Variants in ADAMTS5 observed in about 807,000 individuals in gnomAD.
ADAMTS5 encodes A disintegrin and metalloproteinase with thrombospondin motifs 5.
A neutral mutation model predicts 81.4 loss-of-function variants in ADAMTS5; 54 were observed. The ratio of observed to expected loss-of-function variants is 0.66; its 90% CI spans 0.53 to 0.83. ADAMTS5 has a LOEUF of 0.83. Ranked by LOEUF, ADAMTS5 falls within the 40% of genes least tolerant of loss-of-function variation. The pLI is 0.00. For missense variants in ADAMTS5, 1,194 were observed against 1,229.9 expected (o/e 0.97, Z 0.44); for synonymous variants, 532 against 508.8 (o/e 1.05, Z -0.61).
In ADAMTS5 at chr21:26,965,845, C is replaced by A. The variant is rs982775259; in HGVS notation, c.547G>T (p.Gly183Trp). Residue 183 changes from glycine to tryptophan, a missense_variant, in exon 1 of 8, where the codon GGG (glycine) becomes TGG (tryptophan). By Grantham distance (184) the Gly-to-Trp change is radical. This residue lies in a region of ADAMTS5 where 498 missense variants were observed against 412.3 expected (regional missense o/e 1.21). Coordinates refer to ENST00000284987, the MANE Select transcript of ADAMTS5 (RefSeq NM_007038.5). Reference protein sequence around the residue: ...WAEEEKGRVYGDGSARILHVY... With the variant: ...WAEEEKGRVYWDGSARILHVY... ...TGCAGGATCCGTGCGGACCCATCCCCGTACACGCGCCCCTTTTCTTCCTCC... is the reference window on the plus strand; with the variant it reads ...TGCAGGATCCGTGCGGACCCATCCCAGTACACGCGCCCCTTTTCTTCCTCC... 6.2e-7 allele frequency: 1 copy of A among 1,612,354 alleles called. No homozygotes were observed. Among genetic ancestry groups the A allele is most frequent in the Non-Finnish European group, 8.5e-7 (1 of 1,179,484 alleles).
rs1284974523 is a variant in ADAMTS5 at position 26,946,239 on chromosome 21, G to A, written c.1238-2692C>T. Among the ~76,000 whole-genome samples, 6 of 152,168 alleles carry A rather than the reference G, an allele frequency of 3.9e-5. No homozygotes were observed. In the East Asian group the frequency reaches 1.2e-3, roughly 29 times the overall value. On this transcript the variant is annotated intron_variant, in intron 2 of 7. Transcript: ENST00000284987. ...AGACGTGACACACATTCTAAAGGCT[G>A]CAAACAGCAAAAGGAGTGGTATTTT...
In ADAMTS5 at chr21:26,957,439, T is replaced by C. The variant is rs547983613; in HGVS notation, c.1105-2568A>G. Among the ~76,000 whole-genome samples, 223 of 100,402 alleles carry C rather than the reference T, an allele frequency of 2.2e-3. 1 individual carries two copies. The highest frequency in any genetic ancestry group is 3.6e-3 in the Non-Finnish European group (175 of 48,336). The allele number at this position is 100,402 out of a possible 152,430, so 65.9% of individuals were successfully genotyped here. A position where few individuals can be genotyped will look rare whatever the true frequency, so the allele number is the denominator to read the frequency against. ...ATATGTGTGTGTGTCTATAGATAGA[T>C]GGATAGATGATAGATAGATAGATAG... On this transcript the variant is annotated intron_variant, in intron 1 of 7. Transcript: ENST00000284987.
rs776725981 is a variant in ADAMTS5 at position 26,966,294 on chromosome 21, T to G, written c.98A>C (p.Gln33Pro). The change falls in exon 1 of 8, where the codon CAG (glutamine) becomes CCG (proline). Residue 33 changes from glutamine to proline, a missense_variant. Around this residue, in one of 2 missense-constraint regions of ADAMTS5, gnomAD observed 498 missense variants for 412.3 expected, o/e 1.21. Transcript: ENST00000284987. The stretch of plus-strand genomic sequence containing the variant: ...GGCGGCTGCTGCAGCAGTCGGAGGC[T>G]GCCCGGCTTTATCCTGGGCAGGTGT... Reference protein sequence around the residue: ...AATPAQDKAGQPPTAAAAAQP... With the variant: ...AATPAQDKAGPPPTAAAAAQP... 3.9e-6 allele frequency: 6 copies of G among 1,543,072 alleles called. No homozygotes were observed. In the African/African-American group the frequency reaches 8.2e-5, roughly 21 times the overall value.
rs376923748 is a variant in ADAMTS5 at position 26,954,697 on chromosome 21, A to G, written c.1237+42T>C. The stretch of plus-strand genomic sequence containing the variant: ...TTTTGGTTCCTGTTGCAGCTGTTAC[A>G]AGTGTTTGATTTGGTGAGGGAAAAG... On this transcript the variant is annotated intron_variant, in intron 2 of 7. Transcript: ENST00000284987. The G allele has an allele frequency of 1.0e-5, 16 of 1,607,324 alleles. No homozygotes were observed. The East Asian group carries it at 2.5e-4, about 25-fold the overall frequency.
intron 3 of ADAMTS5, among the ~76,000 whole-genome samples, chr21:26,941,478 T>G (rs1303278042): frequency 6.6e-6 from 1 of 152,080 alleles, no homozygotes. Flanking sequence ...AAGACAATGC[T>G]GAAAGCATAT....
In ADAMTS5 at chr21:26,965,742, T is replaced by A. The variant is rs1987637628; in HGVS notation, c.650A>T (p.Glu217Val). ...ASCETPASTP[E>V]AHEHAPAHSN... is the part of the protein sequence containing the mutation. Reference sequence around the variant, plus strand: ...GTGCGCCGGAGCATGCTCGTGGGCCTCCGGTGTGGACGCGGGGGTTTCGCA... The same window carrying A: ...GTGCGCCGGAGCATGCTCGTGGGCCACCGGTGTGGACGCGGGGGTTTCGCA... The change falls in exon 1 of 8, where the codon GAG (glutamate) becomes GTG (valine). Residue 217 changes from glutamate (E) to valine (V), a missense_variant. Around this residue, in one of 2 missense-constraint regions of ADAMTS5, gnomAD observed 498 missense variants for 412.3 expected, o/e 1.21. Transcript: ENST00000284987. 1.2e-5 allele frequency: 19 copies of A among 1,595,570 alleles called. No homozygotes were observed. Among genetic ancestry groups the A allele is most frequent in the Non-Finnish European group, 1.5e-5 (18 of 1,172,132 alleles).
intron 2 of ADAMTS5, among the ~76,000 whole-genome samples, chr21:26,944,916 C>T (rs1325439204): frequency 6.6e-6 from 1 of 152,064 alleles, no homozygotes; most frequent in Non-Finnish European, 1.5e-5. Context: ...TTCCAAGCCT[C>T]CACATTTTTA....
At chr21:26,949,808 G>A (rs534691334) in intron 2 of ADAMTS5, among the ~76,000 whole-genome samples, 2 of 152,150 alleles carry the variant, frequency 1.3e-5, no homozygotes, top group Admixed American at 1.3e-4. Flanking sequence ...TAAAGCAATG[G>A]GTTTGCGGGA....
At chr21:26,935,437 G>A (rs1235322569) in intron 3 of ADAMTS5, among the ~76,000 whole-genome samples, 1 of 152,178 alleles carries the variant, frequency 6.6e-6, no homozygotes, top group East Asian at 1.9e-4. Flanking sequence ...CTCTCAGACT[G>A]ATATAATTTT....
At chr21:26,931,598 A>G (rs1986907463) in intron 6 of ADAMTS5, among the ~76,000 whole-genome samples, 2 of 152,190 alleles carry the variant, frequency 1.3e-5, no homozygotes, top group South Asian at 4.1e-4. Context: ...ACCCATCTCC[A>G]CGGCTCATCA....
At chr21:26,949,136 G>GATATATATATATAT (rs35477486) in intron 2 of ADAMTS5, among the ~76,000 whole-genome samples, 15 of 145,210 alleles carry the variant, frequency 1.0e-4, no homozygotes, top group African/African-American at 3.0e-4. Flanking sequence ...AGTAATCAGT[G>GATATATATATATAT]ATATATATAT....
chr21:26,943,402 T>G lies in ADAMTS5; in HGVS notation c.1383A>C (p.Thr461=). Residue 461 remains threonine (T), a synonymous_variant, in exon 3 of 8, where the codon ACA becomes ACC. Coordinates refer to ENST00000284987, the MANE Select transcript of ADAMTS5 (RefSeq NM_007038.5). ...PWSKCTSATI[T]EFLDDGHGNC... is the part of the protein sequence containing the mutation. Reference sequence around the variant, plus strand: ...TACCATGGCCATCATCCAGGAATTCTGTGATGGTGGCTGAAGTGCATTTGG... The same window carrying G: ...TACCATGGCCATCATCCAGGAATTCGGTGATGGTGGCTGAAGTGCATTTGG... 6.2e-7 allele frequency: 1 copy of G among 1,613,186 alleles called. No individual in the cohort carries two copies. Among genetic ancestry groups the G allele is most frequent in the Non-Finnish European group, 8.5e-7 (1 of 1,179,552 alleles).
Position 26,943,349 on chromosome 21 carries a change from C to T in ADAMTS5, c.1405+31G>A, listed in dbSNP as rs376361975. 2.5e-6 allele frequency: 4 copies of T among 1,577,788 alleles called. No homozygotes were observed. In the African/African-American group the frequency reaches 4.1e-5, roughly 16 times the overall value. ...CTCCTAAGAATCCCAAATTTTGTTT[C>T]TCAGTCTGTGTTCTCCTAAATGATA... On this transcript the variant is annotated intron_variant, in intron 3 of 7. Transcript: ENST00000284987.
chr21:26,929,771 G>T, intron 7 of ADAMTS5, 115 bp downstream of exon 7: 1 of 1,007,434 alleles, frequency 9.9e-7, no homozygotes, highest in Non-Finnish European at 1.4e-6. Flanking sequence ...CTAGAGCCAC[G>T]TTAGACCTCC....
At position 26,921,450 on chromosome 21, in the gene ADAMTS5, T is replaced by C. The variant is rs1986695516; in HGVS notation, c.*2603A>G. Reference sequence around the variant, plus strand: ...CTGAGCATTTTCAGACGAATTCTTTTTTTTTTTTTTTTTTAAAGAAGTAGC... The same window carrying C: ...CTGAGCATTTTCAGACGAATTCTTTCTTTTTTTTTTTTTTAAAGAAGTAGC... On this transcript the variant is annotated 3_prime_UTR_variant, in exon 8 of 8. Transcript: ENST00000284987. 6.6e-6 allele frequency: 1 copy of C among 151,396 alleles called. No homozygotes were observed. The highest frequency in any genetic ancestry group is 1.5e-5 in the Non-Finnish European group (1 of 67,736). The allele number at this position is 151,396 out of a possible 1,614,324, so 9.4% of individuals were successfully genotyped here.
At position 26,921,974 on chromosome 21, in the gene ADAMTS5, T is replaced by C. The variant is rs964074722; in HGVS notation, c.*2079A>G. ...TAAATTTTGTCACATTTGAGTTACT[T>C]GATTAAAATTATTTCCAAAATGGAA... On this transcript the variant is annotated 3_prime_UTR_variant, in exon 8 of 8. Transcript: ENST00000284987. 4 of 152,132 alleles carry C rather than the reference T, an allele frequency of 2.6e-5. No individual in the cohort carries two copies. The highest frequency in any genetic ancestry group is 2.9e-5 in the Non-Finnish European group (2 of 67,970). 9.4% of individuals were successfully genotyped at this position (152,132 alleles called of 1,614,324 possible). A position where few individuals can be genotyped will look rare whatever the true frequency, so the allele number is the denominator to read the frequency against.
At chr21:26,934,041 A>T (rs548159553) in intron 4 of ADAMTS5, among the ~76,000 whole-genome samples, 3 of 152,338 alleles carry the variant, frequency 2.0e-5, no homozygotes, top group Admixed American at 1.3e-4. Flanking sequence ...AGGGGAAAAA[A>T]GTGACCATTT....
rs1372811960 is a variant in ADAMTS5 at position 26,932,180 on chromosome 21, CT to C, written c.1874-2del. 1.2e-6 allele frequency: 2 copies of C among 1,611,434 alleles called. No individual in the cohort carries two copies. The highest frequency in any genetic ancestry group is 2.7e-5 in the African/African-American group (2 of 74,866). On this transcript the variant is annotated splice_acceptor_variant, in intron 5 of 7. Transcript: ENST00000284987. LOFTEE classifies it high-confidence loss of function. ...CACTGTTCATGACGAAATGATTTAC[CT>C]AGAAAACAAACATGTTTCAGTATTA...
At position 26,920,412 on chromosome 21, in the gene ADAMTS5, A is replaced by G. The variant is rs1568834577; in HGVS notation, c.*3641T>C. On this transcript the variant is annotated 3_prime_UTR_variant, in exon 8 of 8. Transcript: ENST00000284987. ...ATCACATTCTCTTAATGGACACCCC[A>G]TATTTGTAGAAACAGTTATGACTAT... The G allele has an allele frequency of 6.6e-6, 1 of 152,112 alleles. No homozygotes were observed. The highest frequency in any genetic ancestry group is 1.5e-5 in the Non-Finnish European group (1 of 67,990). 9.4% of individuals were successfully genotyped at this position (152,112 alleles called of 1,614,324 possible).
Sources: allele counts gnomAD v4.1 joint callset (sites outside exome capture counted in the v4.1 genomes callset), GRCh38; gene constraint gnomAD v4.1.1; regional missense constraint gnomAD v4.1.1; transcripts MANE v1.5; gene names NCBI Gene and HGNC (gene_info 2026-07-23, HGNC 2026-07-21).